Variants in TARBP1 observed in about 807,000 individuals in gnomAD.
TARBP1 encodes tRNA guanosine 2 -O-methyltransferase TARBP1.
Under a neutral mutation model 178.6 loss-of-function variants are expected in TARBP1, and 144 were observed. That is an observed-to-expected ratio of 0.81 (90% CI 0.70 to 0.93). TARBP1 has a LOEUF of 0.93. TARBP1 is among the 40% of genes least tolerant of loss of function. TARBP1 has a pLI of 0.00. For synonymous variants in TARBP1, 787 were observed against 781.0 expected, an observed-to-expected ratio of 1.01 and a Z score of -0.13; for missense variants, 2,067 against 2,011.7, an observed-to-expected ratio of 1.03 and a Z score of -0.53.
At chr1:234,478,093 C>G in intron 1 of TARBP1, 80 bp downstream of exon 1, 2 of 1,404,828 alleles carry the variant, frequency 1.4e-6, no homozygotes, top group East Asian at 5.3e-5. Flanking sequence ...CCCCGATAAG[C>G]TAGTTTTTAG....
chr1:234,446,892 T>G lies in TARBP1; in HGVS notation c.2045A>C (p.Tyr682Ser). 6.2e-7 allele frequency: 1 copy of G among 1,614,058 alleles called. No homozygotes were observed. Among genetic ancestry groups the G allele is most frequent in the South Asian group, 1.1e-5 (1 of 91,082 alleles). The change falls in exon 12 of 30, where the codon TAC becomes TCC. Residue 682 changes from tyrosine (Y) to serine (S), a missense_variant. Tyr to Ser is a moderately radical substitution (Grantham distance 144, BLOSUM62 -2). Transcript: ENST00000040877. ...TCTGTCAGTCTTCAGCAAGGGCATG[T>G]AGGCATTGGTACTAAACTTCATAAG... Reference protein sequence around the residue: ...DVLMKFSTNAYMPLLKTDRCL... With the variant: ...DVLMKFSTNASMPLLKTDRCL...
intron 8 of TARBP1, 71 bp from the exon 9 acceptor site, chr1:234,457,827 G>T: frequency 9.1e-7 from 1 of 1,098,432 alleles, no homozygotes; most frequent in African/African-American, 1.6e-5. Context: ...TAAAACCACT[G>T]TGAAGGCAAT....
At position 234,430,124 on chromosome 1, in the gene TARBP1, C is replaced by G; in HGVS notation, c.2572G>C (p.Glu858Gln). 6.2e-7 allele frequency: 1 copy of G among 1,614,136 alleles called. No homozygotes were observed. Among genetic ancestry groups the G allele is most frequent in the South Asian group, 1.1e-5 (1 of 91,086 alleles). Reference protein sequence around the residue: ...NQTLQKPHAEEQSSYAHPLEC... With the variant: ...NQTLQKPHAEQQSSYAHPLEC... Reference sequence around the variant, plus strand: ...AAGGGGTGAGCATAACTGCTCTGCTCCTCTGCGTGGGGCTTCTGCAGCGTC... The same window carrying G: ...AAGGGGTGAGCATAACTGCTCTGCTGCTCTGCGTGGGGCTTCTGCAGCGTC... Residue 858 changes from glutamate (E) to glutamine (Q), a missense_variant, in exon 15 of 30, where the codon GAG becomes CAG. Coordinates refer to ENST00000040877, the MANE Select transcript of TARBP1 (RefSeq NM_005646.4).
chr1:234,399,163 C>T (rs182008090), intron 25 of TARBP1, among the ~76,000 whole-genome samples: 1 of 152,338 alleles, frequency 6.6e-6, no homozygotes, highest in Non-Finnish European at 1.5e-5. Context: ...AAGCAATCCT[C>T]CTTTGCTTTT....
chr1:234,429,056 T>C, intron 17 of TARBP1, 80 bp downstream of exon 17: 1 of 1,289,220 alleles, frequency 7.8e-7, no homozygotes, highest in Non-Finnish European at 1.0e-6. Context: ...AATCTAATTG[T>C]GAATACAACT....
intron 20 of TARBP1, among the ~76,000 whole-genome samples, chr1:234,422,107 G>C (rs1572270410): frequency 6.6e-6 from 1 of 152,248 alleles, no homozygotes; most frequent in South Asian, 2.1e-4. Flanking sequence ...GGAATCAGTA[G>C]GGTGGATCAT....
At chr1:234,414,084 AG>A (rs1662149300) in intron 22 of TARBP1, among the ~76,000 whole-genome samples, 1 of 152,214 alleles carries the variant, frequency 6.6e-6, no homozygotes, top group African/African-American at 2.4e-5. Context: ...GTCTACAGCA[AG>A]GGTCAGAAAA....
intron 6 of TARBP1, among the ~76,000 whole-genome samples, chr1:234,462,694 A>AAAG (rs1468495614): frequency 6.6e-6 from 1 of 151,164 alleles, no homozygotes; most frequent in Non-Finnish European, 1.5e-5. Flanking sequence ...TCTCAAAAAA[A>AAAG]AAAAAAAAAA....
intron 22 of TARBP1, among the ~76,000 whole-genome samples, chr1:234,412,866 C>T (rs1661996173): frequency 1.3e-5 from 2 of 152,086 alleles, no homozygotes; most frequent in African/African-American, 4.8e-5. Flanking sequence ...CCTACATATG[C>T]CCGATGCAGG....
At position 234,429,537 on chromosome 1, in the gene TARBP1, G is replaced by A. The variant is rs201101122; in HGVS notation, c.2750C>T (p.Pro917Leu). The change falls in exon 16 of 30, where the codon CCG (proline) becomes CTG (leucine). Residue 917 changes from proline (P) to leucine (L), a missense_variant. Physicochemically the swap from Pro to Leu is moderately conservative, Grantham distance 98 (BLOSUM62 -3). Coordinates refer to ENST00000040877, the MANE Select transcript of TARBP1 (RefSeq NM_005646.4). ...TGGCATCTGAACGGCAGGTAGAAAC[G>A]GTTCCAGAATTTCACTCCCTGTGGT... Reference protein sequence around the residue: ...IPTTGSEILEPFLPAVQMPIR... With the variant: ...IPTTGSEILELFLPAVQMPIR... 25 of 1,614,130 alleles carry A rather than the reference G, an allele frequency of 1.5e-5. No individual in the cohort carries two copies. The highest frequency in any genetic ancestry group is 6.7e-5 in the African/African-American group (5 of 75,012).
At chr1:234,461,607 A>T (rs1170609664) in intron 6 of TARBP1, among the ~76,000 whole-genome samples, 2 of 152,098 alleles carry the variant, frequency 1.3e-5, no homozygotes, top group Non-Finnish European at 2.9e-5. Context: ...ACACCCGGCC[A>T]GTAAAAGATA....
At chr1:234,403,286 C>G (rs191288019) in intron 24 of TARBP1, among the ~76,000 whole-genome samples, 47 of 152,278 alleles carry the variant, frequency 3.1e-4, no homozygotes, top group African/African-American at 1.0e-3. Context: ...TTCCCAAACA[C>G]AGTGTCTTCT....
chr1:234,392,369 T>C (rs769159024), intron 29 of TARBP1, 47 bp downstream of exon 29: 37 of 1,584,206 alleles, frequency 2.3e-5, no homozygotes, highest in Admixed American at 1.7e-4. Flanking sequence ...CATCTTCCAG[T>C]AGTCTGGGGC....
chr1:234,454,788 A>G (rs937476444), intron 9 of TARBP1, among the ~76,000 whole-genome samples: 7 of 152,224 alleles, frequency 4.6e-5, no homozygotes. Flanking sequence ...TGGTAGGCCC[A>G]AAGATACCGA....
intron 6 of TARBP1, among the ~76,000 whole-genome samples, chr1:234,463,321 G>GC (rs1668094354): frequency 6.6e-6 from 1 of 151,998 alleles, no homozygotes; most frequent in Admixed American, 6.6e-5. Flanking sequence ...ACAGAGTTTC[G>GC]CTGTGTTGGC....
chr1:234,410,922 A>G (rs929965455), intron 22 of TARBP1, among the ~76,000 whole-genome samples: 1 of 152,180 alleles, frequency 6.6e-6, no homozygotes, highest in Non-Finnish European at 1.5e-5. Context: ...AAATACAAAA[A>G]TTCGCTGGGC....
At chr1:234,408,055 C>T (rs1056429205) in intron 23 of TARBP1, 1 of 152,184 alleles carries the variant, frequency 6.6e-6, no homozygotes, top group Admixed American at 6.5e-5. Context: ...TGCCAGTGAT[C>T]GCTCGGCTGG....
At position 234,398,535 on chromosome 1, in the gene TARBP1, G is replaced by C. The variant is rs1660373462; in HGVS notation, c.4090C>G (p.Pro1364Ala). 1.3e-6 allele frequency: 2 copies of C among 1,590,684 alleles called. No individual in the cohort carries two copies. Among genetic ancestry groups the C allele is most frequent in the South Asian group, 2.3e-5 (2 of 86,910 alleles). The change falls in exon 26 of 30, where the codon CCA becomes GCA. Residue 1364 changes from proline (P) to alanine (A), a missense_variant. Transcript: ENST00000040877. ...YCLETIFYIL[P>A]RLSGLIEDEW... ...TCTTCAATAAGGCCTGAAAGGCGTGGAAGGATGTAAAATATGGTCTGAAAA... is the reference window on the plus strand; with the variant it reads ...TCTTCAATAAGGCCTGAAAGGCGTGCAAGGATGTAAAATATGGTCTGAAAA...
intron 22 of TARBP1, among the ~76,000 whole-genome samples, chr1:234,415,821 G>A (rs911522487): frequency 3.3e-5 from 5 of 152,178 alleles, no homozygotes; most frequent in Non-Finnish European, 7.3e-5. Context: ...ATTTCTGGAA[G>A]CCACTGAGCC....
Sources: allele counts gnomAD v4.1 joint callset (sites outside exome capture counted in the v4.1 genomes callset), GRCh38; gene constraint gnomAD v4.1.1; transcripts MANE v1.5; gene names NCBI Gene and HGNC (gene_info 2026-07-23, HGNC 2026-07-21).